ARHGAP15: variants seen among roughly 807,000 people sequenced by gnomAD.
ARHGAP15 encodes Rho GTPase activating protein 15, also known as rho GTPase-activating protein 15.
In ARHGAP15, 51 loss-of-function variants were observed where a neutral mutation model predicts 63.7. That is an observed-to-expected ratio of 0.80 (90% CI 0.64 to 1.01). ARHGAP15 has a LOEUF of 1.01. Among genes scored for constraint, ARHGAP15 ranks in the 50% least tolerant of loss-of-function variants. The pLI, the probability that ARHGAP15 is intolerant of heterozygous loss-of-function variation, is 0.00. For missense variants in ARHGAP15, 560 were observed against 564.6 expected (o/e 0.99, Z 0.08); for synonymous variants, 191 against 193.8 (o/e 0.99, Z 0.12).
chr2:143,570,028 T>C (rs962376397), intron 11 of ARHGAP15, among the ~76,000 whole-genome samples: 1 of 152,204 alleles, frequency 6.6e-6, no homozygotes, highest in Admixed American at 6.5e-5. Flanking sequence ...AGGTCAATTT[T>C]ATTATCTTTA....
chr2:143,688,238 G>A (rs1330253127), intron 12 of ARHGAP15, among the ~76,000 whole-genome samples: 1 of 152,090 alleles, frequency 6.6e-6, no homozygotes, highest in Non-Finnish European at 1.5e-5. Context: ...TACAAAGCAG[G>A]TTTACCAAGT....
intron 6 of ARHGAP15, among the ~76,000 whole-genome samples, chr2:143,396,036 CT>C (rs1312256992): frequency 6.6e-6 from 1 of 152,100 alleles, no homozygotes; most frequent in Non-Finnish European, 1.5e-5. Context: ...TTCCTTCATA[CT>C]GCATTAATCG....
chr2:143,514,944 C>T (rs138104043), intron 9 of ARHGAP15, among the ~76,000 whole-genome samples: 1,672 of 152,126 alleles, frequency 0.011, 13 homozygotes, highest in Non-Finnish European at 0.019. Context: ...GACATTTGGC[C>T]GAGCCCAATA....
At chr2:143,185,163 C>T (rs1012341680) in intron 2 of ARHGAP15, among the ~76,000 whole-genome samples, 4 of 152,080 alleles carry the variant, frequency 2.6e-5, no homozygotes, top group Admixed American at 1.3e-4. Context: ...TTTATTAATA[C>T]GTTCCGATTG....
chr2:143,286,214 C>T (rs983949167), intron 6 of ARHGAP15, among the ~76,000 whole-genome samples: 1 of 152,112 alleles, frequency 6.6e-6, no homozygotes, highest in Non-Finnish European at 1.5e-5. Context: ...AGAAGAGTCT[C>T]CTGGAGGTGA....
At chr2:143,225,861 A>G (rs1693192891) in intron 4 of ARHGAP15, among the ~76,000 whole-genome samples, 1 of 152,204 alleles carries the variant, frequency 6.6e-6, no homozygotes, top group African/African-American at 2.4e-5. Flanking sequence ...TATGCTAATT[A>G]TTATTTTAAA....
rs986178215 is a variant in ARHGAP15 at position 143,139,968 on chromosome 2, G to A, written c.-15+10502G>A. On this transcript the variant is annotated intron_variant, in intron 1 of 13. Transcript: ENST00000295095. ...TCCTCCCAAGGAAAAAATATAAAAT[G>A]ATGTATGTAAAGATGTTTACCCTGC... is the stretch of plus-strand genomic sequence containing the variant. Among the ~76,000 whole-genome samples the A allele has an allele frequency of 3.9e-5, 6 of 152,248 alleles. No homozygotes were observed. In the South Asian group the frequency reaches 1.2e-3, roughly 32 times the overall value.
intron 11 of ARHGAP15, among the ~76,000 whole-genome samples, chr2:143,621,855 T>A (rs1451428121): frequency 6.6e-6 from 1 of 152,202 alleles, no homozygotes; most frequent in Non-Finnish European, 1.5e-5. Flanking sequence ...AAGCCATTAT[T>A]TGTTGCTGCT....
At position 143,373,910 on chromosome 2, in the gene ARHGAP15, A is replaced by G. The variant is rs541448689; in HGVS notation, c.475-61691A>G. 8.9e-4 allele frequency among the ~76,000 whole-genome samples: 135 copies of G among 152,318 alleles called. 1 individual carries two copies. The South Asian group carries it at 0.015, about 16-fold the overall frequency. On this transcript the variant is annotated intron_variant, in intron 6 of 13. Transcript: ENST00000295095. Reference sequence around the variant, plus strand: ...AACATAATTATTGAGTTACTCATGAACAAGAAATCCCAAATACATGAAACA... The same window carrying G: ...AACATAATTATTGAGTTACTCATGAGCAAGAAATCCCAAATACATGAAACA...
At chr2:143,632,720 GT>G (rs1490031482) in intron 12 of ARHGAP15, among the ~76,000 whole-genome samples, 1 of 152,020 alleles carries the variant, frequency 6.6e-6, no homozygotes, top group Admixed American at 6.6e-5. Flanking sequence ...TGTTCTAATG[GT>G]TTTTCCCCCC....
At chr2:143,353,685 T>C (rs898213629) in intron 6 of ARHGAP15, among the ~76,000 whole-genome samples, 12 of 152,144 alleles carry the variant, frequency 7.9e-5, no homozygotes, top group Non-Finnish European at 1.6e-4. Flanking sequence ...GGTTCTAAAA[T>C]TGTGAGATGG....
At chr2:143,215,628 AG>A (rs1355685363) in intron 3 of ARHGAP15, among the ~76,000 whole-genome samples, 2 of 152,146 alleles carry the variant, frequency 1.3e-5, no homozygotes, top group African/African-American at 2.4e-5. Flanking sequence ...CAGACACAGG[AG>A]GGTAGAAATA....
At chr2:143,749,480 G>A (rs754606272) in intron 13 of ARHGAP15, among the ~76,000 whole-genome samples, 1 of 152,178 alleles carries the variant, frequency 6.6e-6, no homozygotes, top group African/African-American at 2.4e-5. Flanking sequence ...TAGGGGAACA[G>A]TAGGTAACAG....
intron 11 of ARHGAP15, among the ~76,000 whole-genome samples, chr2:143,580,673 T>TTAATATTTTAATACTTTAAAATATC (rs1696863753): frequency 6.6e-6 from 1 of 152,132 alleles, no homozygotes; most frequent in African/African-American, 2.4e-5. Flanking sequence ...CTTAAAATAT[T>TTAATATTTTAATACTTTAAAATATC]TAATATTTTA....
intron 6 of ARHGAP15, among the ~76,000 whole-genome samples, chr2:143,375,012 T>C (rs1360239945): frequency 6.6e-6 from 1 of 152,166 alleles, no homozygotes; most frequent in Non-Finnish European, 1.5e-5. Flanking sequence ...GGATCCATAT[T>C]TGTAAAATAA....
intron 3 of ARHGAP15, among the ~76,000 whole-genome samples, chr2:143,209,557 T>TTAAAA (rs66537048): frequency 2.7e-5 from 4 of 148,374 alleles, no homozygotes; most frequent in Non-Finnish European, 6.0e-5. Context: ...TGTGCTATGA[T>TTAAAA]AAAAAAAAAA....
At position 143,519,261 on chromosome 2, in the gene ARHGAP15, T is replaced by G. The variant is rs1410339809; in HGVS notation, c.827-5T>G. 32 of 1,608,068 alleles carry G rather than the reference T, an allele frequency of 2.0e-5. No homozygotes were observed. The highest frequency in any genetic ancestry group is 2.5e-5 in the Non-Finnish European group (29 of 1,175,018). ...TAATGAAGCTCATCTTTGTTTCTTT[T>G]GCAGATCAAATTTTTGGCTCTCATC... On this transcript the variant is annotated splice_region_variant and splice_polypyrimidine_tract_variant and intron_variant, in intron 9 of 13. Transcript: ENST00000295095.
intron 6 of ARHGAP15, among the ~76,000 whole-genome samples, chr2:143,339,882 T>A (rs1028595182): frequency 7.9e-5 from 12 of 152,172 alleles, no homozygotes; most frequent in Admixed American, 7.9e-4. Context: ...TATGTGAAAC[T>A]CTCTGAAGAA....
At chr2:143,307,729 A>C (rs1402026470) in intron 6 of ARHGAP15, among the ~76,000 whole-genome samples, 1 of 152,160 alleles carries the variant, frequency 6.6e-6, no homozygotes, top group African/African-American at 2.4e-5. Context: ...TTACCTTCCA[A>C]TGACTTAGGA....
Sources: allele counts gnomAD v4.1 joint callset (sites outside exome capture counted in the v4.1 genomes callset), GRCh38; gene constraint gnomAD v4.1.1; transcripts MANE v1.5; gene names NCBI Gene and HGNC (gene_info 2026-07-23, HGNC 2026-07-21).